Variants in KCNJ10 observed in about 807,000 individuals in gnomAD.
KCNJ10 encodes the protein potassium inwardly rectifying channel subfamily J member 10, also known as ATP-sensitive inward rectifier potassium channel 10.
KCNJ10 carries 9 observed loss-of-function variants against 22.2 expected under a neutral mutation model. The observed-to-expected ratio is 0.40, with a 90% CI of 0.24 to 0.71. KCNJ10 has a LOEUF of 0.71. Ranked by LOEUF, KCNJ10 falls within the 30% of genes least tolerant of loss-of-function variation. The pLI, the probability that KCNJ10 is intolerant of heterozygous loss-of-function variation, is 0.35. For missense variants in KCNJ10, 337 were observed against 482.7 expected (o/e 0.70, Z 2.83); for synonymous variants, 184 against 187.3 (o/e 0.98, Z 0.15).
chr1:160,049,737 G>C (rs1449964414), intron 1 of KCNJ10, among the ~76,000 whole-genome samples: 7 of 95,868 alleles, frequency 7.3e-5, no homozygotes, highest in Admixed American at 3.0e-4. Flanking sequence ...CTAAAGATTA[G>C]CACAATGTAT....
Position 160,040,780 on chromosome 1 carries a change from C to A in KCNJ10, c.*613G>T, listed in dbSNP as rs1351933814. On this transcript the variant is annotated 3_prime_UTR_variant, in exon 2 of 2. Transcript: ENST00000644903. ...ATCCTGAGAGTGTTCACTTGAGAAACTACAGAGGGAAAACAGTGGCGACCA... is the reference window on the plus strand; with the variant it reads ...ATCCTGAGAGTGTTCACTTGAGAAAATACAGAGGGAAAACAGTGGCGACCA... 5.0e-6 allele frequency: 2 copies of A among 397,692 alleles called. No individual in the cohort carries two copies. The highest frequency in any genetic ancestry group is 4.4e-6 in the Non-Finnish European group (1 of 225,348). 24.6% of individuals were successfully genotyped at this position (397,692 alleles called of 1,614,324 possible).
intron 1 of KCNJ10, among the ~76,000 whole-genome samples, chr1:160,054,722 G>A (rs1419809530): frequency 3.3e-5 from 5 of 151,752 alleles, no homozygotes; most frequent in African/African-American, 4.8e-5. Flanking sequence ...CCTAGGCCCC[G>A]AGATTCCCCA....
At chr1:160,062,001 G>A (rs1373659021) in intron 1 of KCNJ10, among the ~76,000 whole-genome samples, 4 of 152,090 alleles carry the variant, frequency 2.6e-5, no homozygotes, top group South Asian at 2.1e-4. Flanking sequence ...CTGGGCATAC[G>A]GAACCGAGAA....
rs1053074 is a variant in KCNJ10 at position 160,039,331 on chromosome 1, A to C, written c.*2062T>G. On this transcript the variant is annotated 3_prime_UTR_variant, in exon 2 of 2. Transcript: ENST00000644903. ...GGAAGAAAGCATAGCATGGCCAAAT[A>C]AACCAGATGGAGGTTAACTTGGCAA... The C allele has an allele frequency of 0.46, 69,046 of 151,462 alleles. 16,696 individuals carry two copies. The highest frequency in any genetic ancestry group is 0.61 in the African/African-American group (25,032 of 40,802). 9.4% of individuals were successfully genotyped at this position (151,462 alleles called of 1,614,324 possible).
intron 1 of KCNJ10, among the ~76,000 whole-genome samples, chr1:160,042,977 G>T (rs964357702): frequency 1.3e-5 from 2 of 151,258 alleles, no homozygotes; most frequent in Admixed American, 6.6e-5. Context: ...AAAATAAAAT[G>T]ACATCATTCT....
In KCNJ10 at chr1:160,051,017, C is replaced by T. The variant is rs180998070; in HGVS notation, c.1-8485G>A. The stretch of plus-strand genomic sequence containing the variant: ...GGAGTGCAGTGATGCAATCTCAGCT[C>T]ACTGCAACCTCCACCTCCCGGGTTC... On this transcript the variant is annotated intron_variant, in intron 1 of 1. Transcript: ENST00000644903. Among the ~76,000 whole-genome samples, 29 of 152,182 alleles carry T rather than the reference C, an allele frequency of 1.9e-4. No individual in the cohort carries two copies. The East Asian group carries it at 4.8e-3, about 25-fold the overall frequency.
chr1:160,040,185 A>C lies in KCNJ10; in HGVS notation c.*1208T>G. 4.3e-6 allele frequency: 1 copy of C among 233,448 alleles called. No homozygotes were observed. The highest frequency in any genetic ancestry group is 8.2e-6 in the Non-Finnish European group (1 of 121,382). The allele number at this position is 233,448 out of a possible 1,614,324, so 14.5% of individuals were successfully genotyped here. ...AGAAGGGCACTGGGAGGTGTAACTG[A>C]GAATAGTGGCTGCCAGCCACAGAGT... On this transcript the variant is annotated 3_prime_UTR_variant, in exon 2 of 2. Coordinates refer to ENST00000644903, the MANE Select transcript of KCNJ10 (RefSeq NM_002241.5).
chr1:160,069,034 A>G (rs141953832), intron 1 of KCNJ10, among the ~76,000 whole-genome samples: 2 of 152,336 alleles, frequency 1.3e-5, no homozygotes, highest in African/African-American at 4.8e-5. Context: ...CAGAATTTGT[A>G]TTGGTAAGCA....
At chr1:160,062,006 C>T (rs967686330) in intron 1 of KCNJ10, among the ~76,000 whole-genome samples, 10 of 151,560 alleles carry the variant, frequency 6.6e-5, no homozygotes, top group South Asian at 2.1e-4. Context: ...CATACGGAAC[C>T]GAGAAGTGGG....
chr1:160,043,103 T>G (rs1385412380), intron 1 of KCNJ10, among the ~76,000 whole-genome samples: 2 of 152,142 alleles, frequency 1.3e-5, no homozygotes, highest in Non-Finnish European at 1.5e-5. Flanking sequence ...GAAAGAGTAG[T>G]AGCTTCACAT....
At chr1:160,059,961 A>G (rs184157585) in intron 1 of KCNJ10, among the ~76,000 whole-genome samples, 3 of 152,312 alleles carry the variant, frequency 2.0e-5, no homozygotes, top group Admixed American at 2.0e-4. Context: ...ATGGAGCTGG[A>G]GACACAGAGG....
chr1:160,061,986 C>T (rs1649208285), intron 1 of KCNJ10, among the ~76,000 whole-genome samples: 1 of 151,974 alleles, frequency 6.6e-6, no homozygotes, highest in Non-Finnish European at 1.5e-5. Context: ...AGCCACAGGT[C>T]CAGGCTGGGC....
intron 1 of KCNJ10, among the ~76,000 whole-genome samples, chr1:160,069,471 T>C (rs1274340549): frequency 6.6e-6 from 1 of 152,122 alleles, no homozygotes; most frequent in Non-Finnish European, 1.5e-5. Flanking sequence ...CCACTCAGAA[T>C]AGAAGGAAGA....
rs1432497905 is a variant in KCNJ10, at chr1:160,040,900, G to GAT, written c.*491_*492dup. The stretch of plus-strand genomic sequence containing the variant: ...CAACAGAGATTGGTAGAAACCCTAG[G>GAT]ATATGTTGATATCAGATTCCTGTAT... On this transcript the variant is annotated 3_prime_UTR_variant, in exon 2 of 2. Coordinates refer to ENST00000644903, the MANE Select transcript of KCNJ10 (RefSeq NM_002241.5). 3.1e-6 allele frequency: 1 copy of GAT among 323,184 alleles called. No homozygotes were observed. The highest frequency in any genetic ancestry group is 2.1e-5 in the African/African-American group (1 of 48,004). The allele number at this position is 323,184 out of a possible 1,614,324, so 20.0% of individuals were successfully genotyped here.
At chr1:160,058,250 G>A (rs868774338) in intron 1 of KCNJ10, among the ~76,000 whole-genome samples, 3 of 152,164 alleles carry the variant, frequency 2.0e-5, no homozygotes, top group Middle Eastern at 3.4e-3. Flanking sequence ...AAGTTTCAAC[G>A]TTTGGACACT....
chr1:160,044,519 T>TA (rs1205884643), intron 1 of KCNJ10, among the ~76,000 whole-genome samples: 3 of 152,208 alleles, frequency 2.0e-5, no homozygotes. Flanking sequence ...AGAAGTGCTG[T>TA]AAAATTAGAG....
chr1:160,058,832 T>C (rs530441008), intron 1 of KCNJ10, among the ~76,000 whole-genome samples: 1 of 152,296 alleles, frequency 6.6e-6, no homozygotes, highest in African/African-American at 2.4e-5. Context: ...ACCAAGCTTT[T>C]CTTAGCAAAT....
intron 1 of KCNJ10, among the ~76,000 whole-genome samples, chr1:160,061,062 T>C (rs1234802777): frequency 6.6e-6 from 1 of 152,032 alleles, no homozygotes; most frequent in African/African-American, 2.4e-5. Flanking sequence ...CACTTAAGGC[T>C]CCTAGACCCG....
At chr1:160,055,970 G>C (rs1215279243) in intron 1 of KCNJ10, among the ~76,000 whole-genome samples, 1 of 152,140 alleles carries the variant, frequency 6.6e-6, no homozygotes, top group Non-Finnish European at 1.5e-5. Context: ...CAGACTCAGC[G>C]TCCTGTCTCC....
Sources: gnomAD v4.1 joint callset for allele counts (sites outside exome capture counted in the v4.1 genomes callset) on GRCh38, gnomAD v4.1.1 for gene constraint, MANE v1.5 for transcripts, NCBI Gene and HGNC (gene_info 2026-07-23, HGNC 2026-07-21) for gene names.